The following PRKN variants were observed in gnomAD, a reference collection of about 807,000 sequenced individuals.
PRKN encodes E3 ubiquitin-protein ligase parkin.
Under a neutral mutation model 59.5 loss-of-function variants are expected in PRKN, and 56 were observed. The ratio of observed to expected loss-of-function variants is 0.94; its 90% CI spans 0.76 to 1.18. The LOEUF is 1.18. Among genes scored for constraint, PRKN ranks in the 50% most tolerant of loss-of-function variants. PRKN has a pLI of 0.00. For missense variants in PRKN, 657 were observed against 596.4 expected, an observed-to-expected ratio of 1.10 and a Z score of -1.06; for synonymous variants, 250 against 222.1, an observed-to-expected ratio of 1.13 and a Z score of -1.12.
chr6:162,217,942 G>A (rs536594350), intron 3 of PRKN, among the ~76,000 whole-genome samples: 7 of 152,244 alleles, frequency 4.6e-5, no homozygotes, highest in African/African-American at 1.4e-4. Context: ...AGGGGTGTGG[G>A]AAAACATTCT....
intron 8 of PRKN, 53 bp downstream of exon 8, chr6:161,569,302 T>C (rs1780778367): frequency 2.0e-6 from 3 of 1,530,664 alleles, no homozygotes; most frequent in Non-Finnish European, 2.7e-6. Flanking sequence ...AACTGTCTCA[T>C]TAGCGTCTAT....
intron 7 of PRKN, among the ~76,000 whole-genome samples, chr6:161,586,909 G>C (rs1343156728): frequency 6.6e-6 from 1 of 152,116 alleles, no homozygotes; most frequent in African/African-American, 2.4e-5. Flanking sequence ...GGCTAGTATG[G>C]TCTAGACACT....
At chr6:161,661,577 G>A (rs1784548349) in intron 7 of PRKN, among the ~76,000 whole-genome samples, 1 of 150,016 alleles carries the variant, frequency 6.7e-6, no homozygotes, top group Non-Finnish European at 1.5e-5. Context: ...TCTGTAGCAA[G>A]TGCTGTCTCA....
Position 161,445,731 on chromosome 6 carries a change from C to T in PRKN, c.1084-58854G>A, listed in dbSNP as rs999897680. ...TCCCTTCACGTGCGGGGCCAGGTGA[C>T]TGCACAGAGTGATGAGCTGGGCCCA... On this transcript the variant is annotated intron_variant, in intron 9 of 11. Transcript: ENST00000366898. This position sits in a 1 kb window ranked among gnomAD's most constrained non-coding sequence, Gnocchi z 7.7. Among the ~76,000 whole-genome samples, 1 of 152,206 alleles carries T rather than the reference C, an allele frequency of 6.6e-6. No individual in the cohort carries two copies. Among genetic ancestry groups the T allele is most frequent in the African/African-American group, 2.4e-5 (1 of 41,456 alleles).
intron 1 of PRKN, among the ~76,000 whole-genome samples, chr6:162,685,385 A>G (rs1307014781): frequency 6.6e-6 from 1 of 152,160 alleles, no homozygotes; most frequent in African/African-American, 2.4e-5. Context: ...CAATATTCAG[A>G]AAAGTATATA....
chr6:161,707,697 G>A (rs757453162), intron 7 of PRKN, among the ~76,000 whole-genome samples: 6 of 142,176 alleles, frequency 4.2e-5, no homozygotes, highest in African/African-American at 8.3e-5. Flanking sequence ...GGCAGTTTTC[G>A]ATTTTAACAA....
intron 1 of PRKN, among the ~76,000 whole-genome samples, chr6:162,527,411 CAAAAT>C (rs1405041933): frequency 6.6e-5 from 10 of 151,856 alleles, no homozygotes; most frequent in Non-Finnish European, 2.9e-5. Flanking sequence ...TTTTTTTCCA[CAAAAT>C]AAAATAGTTA....
chr6:162,489,301 G>A (rs1447820029), intron 1 of PRKN, among the ~76,000 whole-genome samples: 3 of 152,096 alleles, frequency 2.0e-5, no homozygotes, highest in African/African-American at 7.2e-5. Flanking sequence ...CCTCCAAAGC[G>A]ACATATGAAA....
In PRKN at chr6:161,614,963, CAGAGAGAGAGAGAG is replaced by C. The variant is rs71694349; in HGVS notation, c.872-45561_872-45548del. On this transcript the variant is annotated intron_variant, in intron 7 of 11. Coordinates refer to ENST00000366898, the MANE Select transcript of PRKN (RefSeq NM_004562.3). The stretch of plus-strand genomic sequence containing the variant: ...TTTTTAGTTTTCTGGGAGAGGAAGA[CAGAGAGAGAGAGAG>C]AGAGAGAGAGAGAGAGAGAGAGAAC... 1.5e-4 allele frequency among the ~76,000 whole-genome samples: 22 copies of C among 147,340 alleles called. No individual in the cohort carries two copies. In the South Asian group the frequency reaches 2.4e-3, roughly 16 times the overall value.
At chr6:162,721,355 C>T (rs1778935841) in intron 1 of PRKN, among the ~76,000 whole-genome samples, 1 of 152,222 alleles carries the variant, frequency 6.6e-6, no homozygotes, top group Admixed American at 6.5e-5. Context: ...TCATAACTTT[C>T]TAGTACTGCC....
rs1403294862 is a variant in PRKN at position 161,544,078 on chromosome 6, A to G, written c.1083+4776T>C. Among the ~76,000 whole-genome samples the G allele has an allele frequency of 6.6e-6, 1 of 152,222 alleles. No homozygotes were observed. The highest frequency in any genetic ancestry group is 1.5e-5 in the Non-Finnish European group (1 of 68,030). On this transcript the variant is annotated intron_variant, in intron 9 of 11. Transcript: ENST00000366898. This position sits in a 1 kb window ranked among gnomAD's most constrained non-coding sequence, Gnocchi z 5.5. ...CTAGACTAGTATTTGGTACCAAAAT[A>G]CATTCTCTGCTGCGTTCTATCTATG...
chr6:161,973,189 G>A (rs1780889407), intron 6 of PRKN, 113 bp downstream of exon 6: 1 of 753,456 alleles, frequency 1.3e-6, no homozygotes, highest in Non-Finnish European at 2.4e-6. Flanking sequence ...GTTCACTGAG[G>A]AAGGCTCGTG....
intron 2 of PRKN, among the ~76,000 whole-genome samples, chr6:162,426,274 C>T (rs370328689): frequency 6.6e-6 from 1 of 151,910 alleles, no homozygotes; most frequent in Non-Finnish European, 1.5e-5. Context: ...CAAAATAGAT[C>T]CAGGTATACA....
chr6:161,718,761 G>A lies in PRKN; in HGVS notation c.871+67011C>T, dbSNP rs1787097223. On this transcript the variant is annotated intron_variant, in intron 7 of 11. Transcript: ENST00000366898. The stretch of plus-strand genomic sequence containing the variant: ...AATATCACTCTTTCTGGAAATGATG[G>A]GTGCAACTGGCTTTTAAATCTTCCT... Among the ~76,000 whole-genome samples the A allele has an allele frequency of 2.6e-5, 4 of 152,260 alleles. No homozygotes were observed. In the South Asian group the frequency reaches 6.2e-4, roughly 24 times the overall value.
At position 161,484,614 on chromosome 6, in the gene PRKN, G is replaced by A. The variant is rs973831093; in HGVS notation, c.1083+64240C>T. Among the ~76,000 whole-genome samples the A allele has an allele frequency of 3.3e-5, 5 of 152,110 alleles. No individual in the cohort carries two copies. Among genetic ancestry groups the A allele is most frequent in the Admixed American group, 2.0e-4 (3 of 15,264 alleles). ...GGTACGGACGGCATCAGAACTAAAC[G>A]CAGGGAGTCTGACTCAGGGTGTTCA... On this transcript the variant is annotated intron_variant, in intron 9 of 11. Transcript: ENST00000366898. The surrounding 1 kb of genome is among the most constrained non-coding windows in gnomAD (Gnocchi z 4.9).
intron 9 of PRKN, among the ~76,000 whole-genome samples, chr6:161,433,878 G>A (rs1049387497): frequency 1.3e-5 from 2 of 152,028 alleles, no homozygotes; most frequent in African/African-American, 2.4e-5. Flanking sequence ...TTAGCCAGGC[G>A]TGGTGGCACA....
At chr6:162,473,284 AATG>A (rs1304131720) in intron 1 of PRKN, among the ~76,000 whole-genome samples, 1 of 152,180 alleles carries the variant, frequency 6.6e-6, no homozygotes, top group Admixed American at 6.5e-5. Flanking sequence ...TTTGCAAACA[AATG>A]ATGTCTCCTT....
intron 2 of PRKN, among the ~76,000 whole-genome samples, chr6:162,354,373 C>T (rs1478815044): frequency 6.6e-6 from 1 of 152,068 alleles, no homozygotes; most frequent in Non-Finnish European, 1.5e-5. Context: ...ACAAAGCAGT[C>T]TCTTGATTAC....
chr6:161,774,165 T>C (rs1789812043), intron 7 of PRKN, among the ~76,000 whole-genome samples: 1 of 152,070 alleles, frequency 6.6e-6, no homozygotes, highest in African/African-American at 2.4e-5. Context: ...CTGGTCCTTG[T>C]CCGTGTACCA....
Sources: gnomAD v4.1 joint callset for allele counts (sites outside exome capture counted in the v4.1 genomes callset) on GRCh38, gnomAD v4.1.1 for gene constraint, Gnocchi (gnomAD v3.1) non-coding constraint, MANE v1.5 for transcripts, NCBI Gene and HGNC (gene_info 2026-07-23, HGNC 2026-07-21) for gene names.